ZNF710: variants seen among roughly 807,000 people sequenced by gnomAD.
ZNF710 encodes zinc finger protein 710.
ZNF710 carries 13 observed loss-of-function variants against 50.6 expected under a neutral mutation model. The ratio of observed to expected loss-of-function variants is 0.26; its 90% CI spans 0.17 to 0.41. ZNF710 has a LOEUF of 0.41. Among genes scored for constraint, ZNF710 ranks in the 10% least tolerant of loss-of-function variants. ZNF710 has a pLI of 1.00. For missense variants in ZNF710, 721 were observed against 936.6 expected (o/e 0.77, Z 3.01); for synonymous variants, 383 against 397.0 (o/e 0.96, Z 0.42).
In ZNF710 at chr15:90,034,668, C is replaced by T. The variant is rs1899062211; in HGVS notation, c.-28-32442C>T. Among the ~76,000 whole-genome samples the T allele has an allele frequency of 6.6e-6, 1 of 152,110 alleles. No homozygotes were observed. The highest frequency in any genetic ancestry group is 2.1e-4 in the South Asian group (1 of 4,832). On this transcript the variant is annotated intron_variant, in intron 1 of 4. Coordinates refer to ENST00000268154, the MANE Select transcript of ZNF710 (RefSeq NM_198526.4). The surrounding 1 kb of genome is among the most constrained non-coding windows in gnomAD (Gnocchi z 4.0). ...GCTCTTCTCACCCCTTCTGAGAGGC[C>T]CGCCTGCTCTCCTGCTACCCTAGAG...
At chr15:90,021,085 G>C (rs1489133842) in intron 1 of ZNF710, among the ~76,000 whole-genome samples, 1 of 105,176 alleles carries the variant, frequency 9.5e-6, no homozygotes, top group Non-Finnish European at 2.2e-5. Context: ...TTGCTATGGA[G>C]TCAAACGTTT....
At position 90,068,301 on chromosome 15, in the gene ZNF710, C is replaced by T. The variant is rs144375764; in HGVS notation, c.1164C>T (p.Phe388=). The change falls in exon 2 of 5, where the codon TTC becomes TTT. Residue 388 remains phenylalanine, a synonymous_variant. Transcript: ENST00000268154. The surrounding 1 kb of genome is among the most constrained non-coding windows in gnomAD (Gnocchi z 5.0). ...GCTGCCACTTCTGCGGCCGCGGCTT[C>T]GCCTACCCCAGCGAGCTCAAGGCCC... The part of the protein sequence containing the change: ...PYSCHFCGRG[F]AYPSELKAHE... 3.4e-4 allele frequency: 551 copies of T among 1,612,964 alleles called. 1 individual carries two copies. In the Middle Eastern group the frequency reaches 5.4e-3, roughly 16 times the overall value.
At chr15:90,012,385 C>T (rs925601365) in intron 1 of ZNF710, among the ~76,000 whole-genome samples, 15 of 150,198 alleles carry the variant, frequency 1.0e-4, no homozygotes, top group African/African-American at 2.0e-4. Context: ...CTCCGCCCCC[C>T]GGGTTCACAC....
At chr15:90,009,472 A>C (rs1898240727) in intron 1 of ZNF710, among the ~76,000 whole-genome samples, 1 of 151,508 alleles carries the variant, frequency 6.6e-6, no homozygotes, top group Non-Finnish European at 1.5e-5. Context: ...GAAATTCAGA[A>C]CTCTTCCTGT....
At chr15:90,009,054 G>T (rs537725003) in intron 1 of ZNF710, among the ~76,000 whole-genome samples, 17 of 151,926 alleles carry the variant, frequency 1.1e-4, no homozygotes. Flanking sequence ...TCCACCCTCC[G>T]CATTTAAATG....
At chr15:90,073,329 G>A in intron 3 of ZNF710, 67 bp downstream of exon 3, 1 of 1,545,286 alleles carries the variant, frequency 6.5e-7, no homozygotes, top group Non-Finnish European at 8.8e-7. Context: ...CATGCCTGCA[G>A]CAGCTGTGGC....
rs961591405 is a variant in ZNF710 at position 90,062,386 on chromosome 15, C to T, written c.-28-4724C>T. Among the ~76,000 whole-genome samples, 2 of 152,180 alleles carry T rather than the reference C, an allele frequency of 1.3e-5. No homozygotes were observed. Among genetic ancestry groups the T allele is most frequent in the East Asian group, 3.9e-4 (2 of 5,182 alleles). On this transcript the variant is annotated intron_variant, in intron 1 of 4. Transcript: ENST00000268154. The surrounding 1 kb of genome is among the most constrained non-coding windows in gnomAD (Gnocchi z 5.6). Reference sequence around the variant, plus strand: ...GCCACGCCACATCCCAGCCAGTGGTCGCCCCTCATCTTGCCAGCCTGGGGC... The same window carrying T: ...GCCACGCCACATCCCAGCCAGTGGTTGCCCCTCATCTTGCCAGCCTGGGGC...
chr15:90,020,313 T>C (rs1328007132), intron 1 of ZNF710, among the ~76,000 whole-genome samples: 1 of 152,124 alleles, frequency 6.6e-6, no homozygotes, highest in Non-Finnish European at 1.5e-5. Context: ...CCTTCAGGAC[T>C]GGGCACATCC....
intron 1 of ZNF710, among the ~76,000 whole-genome samples, chr15:90,020,611 T>C (rs747125296): frequency 1.3e-5 from 2 of 152,238 alleles, no homozygotes; most frequent in Non-Finnish European, 2.9e-5. Context: ...CTCATGTGTG[T>C]TGGAAATGAG....
intron 4 of ZNF710, 59 bp downstream of exon 4, chr15:90,074,349 A>G: frequency 6.2e-7 from 1 of 1,600,742 alleles, no homozygotes; most frequent in Non-Finnish European, 8.5e-7. Context: ...CGCACTCAGG[A>G]GCCTCCTGCC....
chr15:90,077,199 C>T (rs1007874251), intron 4 of ZNF710, among the ~76,000 whole-genome samples: 30 of 148,886 alleles, frequency 2.0e-4, no homozygotes, highest in African/African-American at 6.7e-4. Context: ...AAAATGGGGA[C>T]GGTGTACAGA....
chr15:90,031,541 C>T (rs1898950255), intron 1 of ZNF710, among the ~76,000 whole-genome samples: 1 of 152,240 alleles, frequency 6.6e-6, no homozygotes, highest in South Asian at 2.1e-4. Context: ...AAAACTGTAA[C>T]TCTGGTCTCT....
intron 1 of ZNF710, among the ~76,000 whole-genome samples, chr15:90,017,564 CG>C (rs1343233072): frequency 6.6e-6 from 1 of 151,746 alleles, no homozygotes; most frequent in Non-Finnish European, 1.5e-5. Context: ...AGGAAGTTTT[CG>C]GGATCTGTGG....
intron 2 of ZNF710, among the ~76,000 whole-genome samples, chr15:90,072,294 A>T (rs985836489): frequency 1.3e-5 from 2 of 152,134 alleles, no homozygotes; most frequent in African/African-American, 4.8e-5. Flanking sequence ...CAATGATAAG[A>T]ATCATCTGGG....
rs1274834987 is a variant in ZNF710, at chr15:90,038,588, C to G, written c.-28-28522C>G. ...CCAATCTACAACCCATTCATATTTC[C>G]CCAGTTGAACTCCAAAAATGTTTTC... is the stretch of plus-strand genomic sequence containing the variant. On this transcript the variant is annotated intron_variant, in intron 1 of 4. Transcript: ENST00000268154. Among the ~76,000 whole-genome samples the G allele has an allele frequency of 2.0e-5, 3 of 152,120 alleles. No homozygotes were observed. In the East Asian group the frequency reaches 5.8e-4, roughly 29 times the overall value.
chr15:90,074,745 G>C (rs1900534526), intron 4 of ZNF710: 1 of 336,974 alleles, frequency 3.0e-6, no homozygotes, highest in Non-Finnish European at 5.6e-6. Context: ...GGGAAAGAAA[G>C]TTAGAAAGGG....
rs1284419828 is a variant in ZNF710 at position 90,068,859 on chromosome 15, A to C, written c.1458+264A>C. Among the ~76,000 whole-genome samples, 1 of 152,074 alleles carries C rather than the reference A, an allele frequency of 6.6e-6. No homozygotes were observed. Among genetic ancestry groups the C allele is most frequent in the Admixed American group, 6.6e-5 (1 of 15,262 alleles). Reference sequence around the variant, plus strand: ...TGTAATCCCAGCGCTTTGGGAGGCCAAGGCAGGCAGATTGCTTGAGTCCTG... The same window carrying C: ...TGTAATCCCAGCGCTTTGGGAGGCCCAGGCAGGCAGATTGCTTGAGTCCTG... On this transcript the variant is annotated intron_variant, in intron 2 of 4. Transcript: ENST00000268154. The surrounding 1 kb of genome is among the most constrained non-coding windows in gnomAD (Gnocchi z 5.0).
intron 1 of ZNF710, among the ~76,000 whole-genome samples, chr15:90,066,248 C>T (rs1396246310): frequency 6.6e-6 from 1 of 152,068 alleles, no homozygotes; most frequent in Non-Finnish European, 1.5e-5. Flanking sequence ...TTCTGCCATA[C>T]GTTCTCGTTC....
At position 90,068,029 on chromosome 15, in the gene ZNF710, C is replaced by T. The variant is rs766180710; in HGVS notation, c.892C>T (p.Arg298Cys). Residue 298 changes from arginine (R) to cysteine (C), a missense_variant, in exon 2 of 5, where the codon CGC becomes TGC. Physicochemically the swap from Arg to Cys is radical, Grantham distance 180 (BLOSUM62 -3). Around this residue, in one of 3 missense-constraint regions of ZNF710, gnomAD observed 326 missense variants for 522.0 expected, o/e 0.62. Coordinates refer to ENST00000268154, the MANE Select transcript of ZNF710 (RefSeq NM_198526.4). The surrounding 1 kb of genome is among the most constrained non-coding windows in gnomAD (Gnocchi z 5.0). The part of the protein sequence containing the change: ...AGDRQKRWQC[R>C]MCEKSYTSKY... ...CGACCGCCAGAAGCGCTGGCAGTGC[C>T]GCATGTGCGAGAAGTCCTACACGTC... is the stretch of plus-strand genomic sequence containing the variant. 6.2e-7 allele frequency: 1 copy of T among 1,614,212 alleles called. No homozygotes were observed. The highest frequency in any genetic ancestry group is 8.5e-7 in the Non-Finnish European group (1 of 1,180,038).
Sources: allele counts gnomAD v4.1 joint callset (sites outside exome capture counted in the v4.1 genomes callset), GRCh38; gene constraint gnomAD v4.1.1; regional missense constraint gnomAD v4.1.1; non-coding constraint Gnocchi (gnomAD v3.1); transcripts MANE v1.5; gene names NCBI Gene and HGNC (gene_info 2026-07-23, HGNC 2026-07-21).